The following CARMIL2 variants were observed in gnomAD, a reference collection of about 807,000 sequenced individuals.
CARMIL2 encodes capping protein regulator and myosin 1 linker 2.
Under a neutral mutation model 173.3 loss-of-function variants are expected in CARMIL2, and 96 were observed. The ratio of observed to expected loss-of-function variants is 0.55; its 90% CI spans 0.47 to 0.66. The LOEUF is 0.66. CARMIL2 is among the 30% of genes least tolerant of loss of function. The pLI, the probability that CARMIL2 is intolerant of heterozygous loss-of-function variation, is 0.00. For synonymous variants in CARMIL2, 830 were observed against 817.1 expected (o/e 1.02, Z -0.27); for missense variants, 1,771 against 1,906.7 (o/e 0.93, Z 1.33).
Position 67,645,283 on chromosome 16 carries a change from C to A in CARMIL2, c.37C>A (p.Arg13=), listed in dbSNP as rs534362264. 2 of 1,604,144 alleles carry A rather than the reference C, an allele frequency of 1.2e-6. No homozygotes were observed. The highest frequency in any genetic ancestry group is 2.2e-5 in the South Asian group (2 of 89,226). The change falls in exon 1 of 38, where the codon CGA becomes AGA. Residue 13 remains arginine, a synonymous_variant. Coordinates refer to ENST00000334583, the MANE Select transcript of CARMIL2 (RefSeq NM_001013838.3). ...QTPDGISCEL[R]GEITRFLWPK... is the part of the protein sequence containing the mutation. ...CCCCGACGGCATCTCCTGTGAGCTC[C>A]GAGGTAAGCGCTGGCCCTTCCTGCC...
In CARMIL2 at chr16:67,652,789, A is replaced by G. The variant is rs2142939475; in HGVS notation, c.2885-230A>G. Among the ~76,000 whole-genome samples, 1 of 151,738 alleles carries G rather than the reference A, an allele frequency of 6.6e-6. No homozygotes were observed. The highest frequency in any genetic ancestry group is 1.5e-5 in the Non-Finnish European group (1 of 67,834). ...CTCCCCGCGCCCCTTTCCCTACCCC[A>G]GGGACGCGCATGCTGGGCGGCGGCG... On this transcript the variant is annotated intron_variant, in intron 28 of 37. Transcript: ENST00000334583. This position sits in a 1 kb window ranked among gnomAD's most constrained non-coding sequence, Gnocchi z 4.7.
At position 67,646,618 on chromosome 16, in the gene CARMIL2, G is replaced by A. The variant is rs533688517; in HGVS notation, c.467-96G>A. 4.5e-6 allele frequency: 7 copies of A among 1,570,856 alleles called. No homozygotes were observed. The highest frequency in any genetic ancestry group is 5.3e-6 in the Non-Finnish European group (6 of 1,141,910). ...CCCCAAACTGAACAGAGCCATTCAGGTCCCAGCCACCACCTAGTCTGTGGG... is the reference window on the plus strand; with the variant it reads ...CCCCAAACTGAACAGAGCCATTCAGATCCCAGCCACCACCTAGTCTGTGGG... On this transcript the variant is annotated intron_variant, in intron 6 of 37. Transcript: ENST00000334583. The surrounding 1 kb of genome is among the most constrained non-coding windows in gnomAD (Gnocchi z 4.6).
chr16:67,656,860 G>A lies in CARMIL2; in HGVS notation c.4096G>A (p.Asp1366Asn). Residue 1366 changes from aspartate (D) to asparagine (N), a missense_variant, in exon 36 of 38, where the codon GAC (aspartate) becomes AAC (asparagine). Transcript: ENST00000334583. ...AGRRAVSVHE[D>N]QLQAPAERPL... ...GCGGCGAGCAGTGTCTGTGCATGAG[G>A]ACCAGCTCCAGGCCCCTGCTGGTGA... 5 of 1,549,978 alleles carry A rather than the reference G, an allele frequency of 3.2e-6. No individual in the cohort carries two copies. The highest frequency in any genetic ancestry group is 4.4e-6 in the Non-Finnish European group (5 of 1,146,298).
intron 9 of CARMIL2, 48 bp downstream of exon 9, chr16:67,647,239 AG>A: frequency 6.2e-7 from 1 of 1,611,638 alleles, no homozygotes; most frequent in Non-Finnish European, 8.5e-7. Context: ...GGTGTGGGCC[AG>A]GGTGCAGCCC....
Position 67,650,110 on chromosome 16 carries a change from G to T in CARMIL2, c.2144G>T (p.Arg715Leu), listed in dbSNP as rs561714944. The T allele has an allele frequency of 6.2e-7, 1 of 1,613,318 alleles. No homozygotes were observed. The highest frequency in any genetic ancestry group is 1.7e-5 in the Admixed American group (1 of 59,956). The change falls in exon 22 of 38, where the codon CGC (arginine) becomes CTC (leucine). Residue 715 changes from arginine to leucine, a missense_variant. Arg to Leu is a moderately radical substitution (Grantham distance 102). Transcript: ENST00000334583. ...CCTGCCTCTTCTGACCACACGACCC[G>T]CCTTCAGCCACTTGGTCTGGTCTCA... ...ADPASSDHTT[R>L]LQPLGLVSDP... is the part of the protein sequence containing the mutation.
intron 3 of CARMIL2, 112 bp from the exon 4 acceptor site, chr16:67,645,906 G>A (rs1051801073): frequency 5.5e-5 from 85 of 1,554,590 alleles, no homozygotes; most frequent in Admixed American, 1.5e-4. Flanking sequence ...CTGGGCAGCC[G>A]ACAGGAGGGG....
chr16:67,654,261 G>A lies in CARMIL2; in HGVS notation c.3221+12G>A. The A allele has an allele frequency of 6.4e-7, 1 of 1,559,256 alleles. No individual in the cohort carries two copies. The highest frequency in any genetic ancestry group is 8.7e-7 in the Non-Finnish European group (1 of 1,146,958). On this transcript the variant is annotated intron_variant, in intron 30 of 37. Coordinates refer to ENST00000334583, the MANE Select transcript of CARMIL2 (RefSeq NM_001013838.3). ...CAGCAGGATCGCCTGTGAGTGAGGGGCATCTGCTGGGGGTGGGAGAGGGTG... is the reference window on the plus strand; with the variant it reads ...CAGCAGGATCGCCTGTGAGTGAGGGACATCTGCTGGGGGTGGGAGAGGGTG...
rs375358438 is a variant in CARMIL2, at chr16:67,651,978, G to A, written c.2646G>A (p.Leu882=). The A allele has an allele frequency of 1.2e-6, 2 of 1,613,474 alleles. No homozygotes were observed. Among genetic ancestry groups the A allele is most frequent in the African/African-American group, 1.3e-5 (1 of 74,938 alleles). The change falls in exon 26 of 38, where the codon TTG becomes TTA. Residue 882 remains leucine, a synonymous_variant. Transcript: ENST00000334583. This position sits in a 1 kb window ranked among gnomAD's most constrained non-coding sequence, Gnocchi z 4.2. ...TLAESIVAQA[L]AGLSAARDQL... is the part of the protein sequence containing the mutation. ...CAGAGAGCATTGTGGCTCAGGCTTT[G>A]GCAGGCCTGAGTGCAGCCCGGGATC...
Position 67,649,416 on chromosome 16 carries a change from C to G in CARMIL2, c.1747-31C>G. On this transcript the variant is annotated intron_variant, in intron 19 of 37. Transcript: ENST00000334583. The surrounding 1 kb of genome is among the most constrained non-coding windows in gnomAD (Gnocchi z 6.7). ...GACCTGCCCTCACTGACCCCTGACT[C>G]CAGCCATCAATGGCTTTCTCTTAAC... 1.2e-6 allele frequency: 2 copies of G among 1,611,574 alleles called. No homozygotes were observed. The highest frequency in any genetic ancestry group is 2.2e-5 in the South Asian group (2 of 91,080).
chr16:67,647,099 T>C lies in CARMIL2; in HGVS notation c.612-17T>C. 1 of 1,613,504 alleles carries C rather than the reference T, an allele frequency of 6.2e-7. No individual in the cohort carries two copies. Among genetic ancestry groups the C allele is most frequent in the African/African-American group, 1.3e-5 (1 of 75,042 alleles). On this transcript the variant is annotated splice_polypyrimidine_tract_variant and intron_variant, in intron 8 of 37. Transcript: ENST00000334583. ...GGAGGGCCCTGAGCTCTGCCTCTGT[T>C]CCCACCCTCCCACCAGGGACCTGGC...
Position 67,657,422 on chromosome 16 carries a change from C to A in CARMIL2, c.4212C>A (p.Thr1404=), listed in dbSNP as rs571772592. Residue 1404 remains threonine (T), a synonymous_variant, in exon 38 of 38, where the codon ACC becomes ACA. Coordinates refer to ENST00000334583, the MANE Select transcript of CARMIL2 (RefSeq NM_001013838.3). This position sits in a 1 kb window ranked among gnomAD's most constrained non-coding sequence, Gnocchi z 4.5. ...CCCTCACAGGATCTGGCCTTGGAAC[C>A]GAGCCTCTGCCCCCACAGCCCACAG... The part of the protein sequence containing the change: ...PSPSLGSGLG[T]EPLPPQPTEP... 2 of 1,605,664 alleles carry A rather than the reference C, an allele frequency of 1.2e-6. No individual in the cohort carries two copies. The highest frequency in any genetic ancestry group is 1.7e-6 in the Non-Finnish European group (2 of 1,176,480).
chr16:67,656,181 C>A (rs1567637312), intron 33 of CARMIL2, 47 bp from the exon 34 acceptor site: 1 of 1,612,012 alleles, frequency 6.2e-7, no homozygotes, highest in Non-Finnish European at 8.5e-7. Flanking sequence ...TTTTTCTTCC[C>A]CTCACCTCCA....
rs1275036184 is a variant in CARMIL2, at chr16:67,648,021, C to G, written c.1072-31C>G. ...TCATAAGCCCTGGGTAGGCGATCCC[C>G]CACTCCATCGCACCCCTGTCCTCCC... is the stretch of plus-strand genomic sequence containing the variant. On this transcript the variant is annotated intron_variant, in intron 13 of 37. Transcript: ENST00000334583. This position sits in a 1 kb window ranked among gnomAD's most constrained non-coding sequence, Gnocchi z 6.1. 6.2e-7 allele frequency: 1 copy of G among 1,608,740 alleles called. No homozygotes were observed. Among genetic ancestry groups the G allele is most frequent in the Non-Finnish European group, 8.5e-7 (1 of 1,177,708 alleles).
chr16:67,645,159 G>C lies in CARMIL2; in HGVS notation c.-88G>C. On this transcript the variant is annotated 5_prime_UTR_variant, in exon 1 of 38. Coordinates refer to ENST00000334583, the MANE Select transcript of CARMIL2 (RefSeq NM_001013838.3). The stretch of plus-strand genomic sequence containing the variant: ...CCGGAGGAGCAGGTGGCTGCCGTGC[G>C]GGTCTGGGCCCCAGGCTTCCTGTGT... 3.0e-6 allele frequency: 3 copies of C among 1,009,480 alleles called. No individual in the cohort carries two copies. Among genetic ancestry groups the C allele is most frequent in the Non-Finnish European group, 2.9e-6 (2 of 701,132 alleles). The allele number at this position is 1,009,480 out of a possible 1,614,324, so 62.5% of individuals were successfully genotyped here. A position where few individuals can be genotyped will look rare whatever the true frequency, so the allele number is the denominator to read the frequency against.
Position 67,652,100 on chromosome 16 carries a change from G to T in CARMIL2, c.2676+92G>T. 1.9e-6 allele frequency: 3 copies of T among 1,600,094 alleles called. No homozygotes were observed. The highest frequency in any genetic ancestry group is 2.6e-6 in the Non-Finnish European group (3 of 1,170,372). ...GCAGGGGCTCTGTAATGTCTTCTGGGGTCATGTAGCCCAGGGCTATTTCAG... is the reference window on the plus strand; with the variant it reads ...GCAGGGGCTCTGTAATGTCTTCTGGTGTCATGTAGCCCAGGGCTATTTCAG... On this transcript the variant is annotated intron_variant, in intron 26 of 37. Transcript: ENST00000334583. This position sits in a 1 kb window ranked among gnomAD's most constrained non-coding sequence, Gnocchi z 4.7.
rs745948006 is a variant in CARMIL2 at position 67,651,362 on chromosome 16, G to A, written c.2314-39G>A. On this transcript the variant is annotated intron_variant, in intron 23 of 37. Transcript: ENST00000334583. This position sits in a 1 kb window ranked among gnomAD's most constrained non-coding sequence, Gnocchi z 4.2. ...ACAAGGACCCTTCCCCTCTTAGTCA[G>A]GTGTCAGCTCGCAACTGCTTTTCCT... 1 of 1,604,614 alleles carries A rather than the reference G, an allele frequency of 6.2e-7. No homozygotes were observed. The highest frequency in any genetic ancestry group is 8.5e-7 in the Non-Finnish European group (1 of 1,173,046).
rs1226166476 is a variant in CARMIL2 at position 67,657,109 on chromosome 16, C to T, written c.4118-130C>T. ...TCTGCCAGGGGTGAGGACGCAGGGA[C>T]GGGGGATGCTCTGAAGGCAGCAGTG... On this transcript the variant is annotated intron_variant, in intron 36 of 37. Transcript: ENST00000334583. This position sits in a 1 kb window ranked among gnomAD's most constrained non-coding sequence, Gnocchi z 4.5. 19 of 887,318 alleles carry T rather than the reference C, an allele frequency of 2.1e-5. No homozygotes were observed. Among genetic ancestry groups the T allele is most frequent in the Middle Eastern group, 2.2e-4 (1 of 4,504 alleles). 55.0% of individuals were successfully genotyped at this position (887,318 alleles called of 1,614,324 possible).
In CARMIL2 at chr16:67,649,796, C is replaced by T. The variant is rs759700725; in HGVS notation, c.1920-10C>T. 2.5e-6 allele frequency: 4 copies of T among 1,607,292 alleles called. No homozygotes were observed. Among genetic ancestry groups the T allele is most frequent in the South Asian group, 2.2e-5 (2 of 90,656 alleles). ...AGCTCCGTCCCCGACTGAAGCCAGG[C>T]CCGGCCCAGGTCTGTGGTCTGGGAC... On this transcript the variant is annotated splice_polypyrimidine_tract_variant and intron_variant, in intron 20 of 37. Transcript: ENST00000334583. The surrounding 1 kb of genome is among the most constrained non-coding windows in gnomAD (Gnocchi z 6.7).
rs1345391595 is a variant in CARMIL2, at chr16:67,648,620, C to T, written c.1440-65C>T. 1 of 1,524,572 alleles carries T rather than the reference C, an allele frequency of 6.6e-7. No homozygotes were observed. The highest frequency in any genetic ancestry group is 8.9e-7 in the Non-Finnish European group (1 of 1,120,488). The allele number at this position is 1,524,572 out of a possible 1,614,324, so 94.4% of individuals were successfully genotyped here. A position where few individuals can be genotyped will look rare whatever the true frequency, so the allele number is the denominator to read the frequency against. On this transcript the variant is annotated intron_variant, in intron 15 of 37. Transcript: ENST00000334583. This position sits in a 1 kb window ranked among gnomAD's most constrained non-coding sequence, Gnocchi z 6.1. ...CCTCCCCCAGATCCTGGCCCTGCCTCCTTCGTTCGCACCCTGGAGCCCCCT... is the reference window on the plus strand; with the variant it reads ...CCTCCCCCAGATCCTGGCCCTGCCTTCTTCGTTCGCACCCTGGAGCCCCCT...
Sources: allele counts gnomAD v4.1 joint callset (sites outside exome capture counted in the v4.1 genomes callset), GRCh38; gene constraint gnomAD v4.1.1; non-coding constraint Gnocchi (gnomAD v3.1); transcripts MANE v1.5; gene names NCBI Gene and HGNC (gene_info 2026-07-23, HGNC 2026-07-21).